Variants in TDRD3 observed in about 807,000 individuals in gnomAD.
TDRD3 encodes tudor domain containing 3.
In TDRD3, 45 loss-of-function variants were observed where a neutral mutation model predicts 86.7. The observed-to-expected ratio is 0.52, with a 90% CI of 0.41 to 0.67. TDRD3 has a LOEUF of 0.67. Among genes scored for constraint, TDRD3 ranks in the 30% least tolerant of loss-of-function variants. TDRD3 has a pLI of 0.00. For synonymous variants in TDRD3, 298 were observed against 301.7 expected, an observed-to-expected ratio of 0.99 and a Z score of 0.13; for missense variants, 814 against 889.0, an observed-to-expected ratio of 0.92 and a Z score of 1.07.
At chr13:60,517,334 G>A (rs187451973) in intron 10 of TDRD3, among the ~76,000 whole-genome samples, 70 of 152,204 alleles carry the variant, frequency 4.6e-4, no homozygotes, top group Non-Finnish European at 7.1e-4. Flanking sequence ...AAACTAGGCC[G>A]AGACAAGAGA....
chr13:60,566,353 T>A (rs1246617699), intron 12 of TDRD3, among the ~76,000 whole-genome samples: 1 of 152,090 alleles, frequency 6.6e-6, no homozygotes, highest in Non-Finnish European at 1.5e-5. Context: ...ATAATAGGAT[T>A]TGACCAAATT....
intron 10 of TDRD3, 26 bp downstream of exon 10, chr13:60,510,781 T>G: frequency 6.6e-7 from 1 of 1,510,486 alleles, no homozygotes; most frequent in Non-Finnish European, 8.8e-7. Flanking sequence ...GTTGATTCCT[T>G]TTTTTTTCTT....
At chr13:60,544,500 T>C (rs2137866282) in intron 12 of TDRD3, among the ~76,000 whole-genome samples, 1 of 150,990 alleles carries the variant, frequency 6.6e-6, no homozygotes, top group South Asian at 2.1e-4. Context: ...TCAAAACTAG[T>C]AAATTCCATT....
chr13:60,411,415 T>A (rs1292308436), intron 1 of TDRD3, among the ~76,000 whole-genome samples: 1 of 152,256 alleles, frequency 6.6e-6, no homozygotes, highest in African/African-American at 2.4e-5. Flanking sequence ...ACATTTTTAC[T>A]AGTTTCTACT....
At chr13:60,540,564 C>T (rs1392564920) in intron 12 of TDRD3, among the ~76,000 whole-genome samples, 1 of 152,078 alleles carries the variant, frequency 6.6e-6, no homozygotes, top group Non-Finnish European at 1.5e-5. Context: ...CTCTTAAATC[C>T]AAATTCAGTT....
At chr13:60,513,194 A>T (rs1355779142) in intron 10 of TDRD3, among the ~76,000 whole-genome samples, 1 of 152,216 alleles carries the variant, frequency 6.6e-6, no homozygotes, top group Non-Finnish European at 1.5e-5. Flanking sequence ...CCCCAGCTCT[A>T]CATTGGTCCC....
intron 10 of TDRD3, among the ~76,000 whole-genome samples, chr13:60,527,093 C>T (rs1289367937): frequency 6.6e-6 from 1 of 152,172 alleles, no homozygotes; most frequent in African/African-American, 2.4e-5. Context: ...CTTCAGCCTT[C>T]CAAAGTGCTT....
chr13:60,505,807 TA>T (rs1249779895), intron 8 of TDRD3, among the ~76,000 whole-genome samples: 1 of 151,752 alleles, frequency 6.6e-6, no homozygotes, highest in African/African-American at 2.4e-5. Context: ...CTTAATGAAA[TA>T]AAGTGGAAAG....
intron 12 of TDRD3, chr13:60,538,060 TTAAAA>T (rs1167612407): frequency 6.6e-6 from 1 of 152,016 alleles, no homozygotes; most frequent in Admixed American, 6.6e-5. Context: ...GTATGGAAAA[TTAAAA>T]TAAAAATCAA....
chr13:60,481,522 A>G (rs1428038730), intron 5 of TDRD3, among the ~76,000 whole-genome samples: 4 of 151,094 alleles, frequency 2.6e-5, no homozygotes, highest in Non-Finnish European at 5.9e-5. Flanking sequence ...CTTCTGTCTT[A>G]TTTTATTTAC....
intron 1 of TDRD3, among the ~76,000 whole-genome samples, chr13:60,404,411 C>T (rs9528130): frequency 0.19 from 27,968 of 144,450 alleles, 3,317 homozygotes; most frequent in South Asian, 0.29. Flanking sequence ...CCCGGGTTCA[C>T]GCCATTCTCC....
intron 1 of TDRD3, among the ~76,000 whole-genome samples, chr13:60,411,459 A>C (rs1344519245): frequency 6.6e-6 from 1 of 152,224 alleles, no homozygotes; most frequent in Non-Finnish European, 1.5e-5. Flanking sequence ...ATATTATTTT[A>C]AGCAAAATGC....
chr13:60,460,280 C>T, intron 3 of TDRD3, 100 bp from the exon 4 acceptor site: 1 of 976,330 alleles, frequency 1.0e-6, no homozygotes. Context: ...AATCATAAAG[C>T]ATGACTATTA....
chr13:60,448,527 C>G (rs1955460319), intron 3 of TDRD3, among the ~76,000 whole-genome samples: 1 of 152,056 alleles, frequency 6.6e-6, no homozygotes, highest in Non-Finnish European at 1.5e-5. Flanking sequence ...GCAAAAGTTT[C>G]AGAAAAATTT....
At chr13:60,421,249 A>G (rs990967790) in intron 1 of TDRD3, among the ~76,000 whole-genome samples, 40 of 152,212 alleles carry the variant, frequency 2.6e-4, no homozygotes, top group Admixed American at 2.5e-3. Flanking sequence ...AGGCCCCACA[A>G]TCTTGGCAGA....
chr13:60,479,091 G>A (rs1164864566), intron 5 of TDRD3, among the ~76,000 whole-genome samples: 1 of 152,116 alleles, frequency 6.6e-6, no homozygotes, highest in African/African-American at 2.4e-5. Context: ...AGAGGCATGA[G>A]CCACCACACC....
At chr13:60,450,975 C>T (rs4886231) in intron 3 of TDRD3, among the ~76,000 whole-genome samples, 2,391 of 151,998 alleles carry the variant, frequency 0.016, 156 homozygotes, top group Admixed American at 0.11. Flanking sequence ...ACACAGATCA[C>T]GCATACACAC....
At position 60,528,451 on chromosome 13, in the gene TDRD3, A is replaced by ATCT. The variant is rs1447325517; in HGVS notation, c.1227_1229dup (p.Leu410dup). 6.2e-7 allele frequency: 1 copy of ATCT among 1,613,228 alleles called. No individual in the cohort carries two copies. The highest frequency in any genetic ancestry group is 1.7e-5 in the Admixed American group (1 of 59,918). ...CAAAATGGAGTAAAAGATAATAATCATCTGAGACATCCTCCTCGAAATGAT... is the reference window on the plus strand; with the variant it reads ...CAAAATGGAGTAAAAGATAATAATCATCTTCTGAGACATCCTCCTCGAAATGAT... On this transcript the variant is annotated inframe_insertion, in exon 11 of 14. Transcript: ENST00000377881.
intron 5 of TDRD3, among the ~76,000 whole-genome samples, chr13:60,472,676 A>G (rs1484171836): frequency 6.6e-6 from 1 of 152,212 alleles, no homozygotes; most frequent in Non-Finnish European, 1.5e-5. Flanking sequence ...TATAAACCCA[A>G]AAGAATGGAA....
Sources: gnomAD v4.1 joint callset for allele counts (sites outside exome capture counted in the v4.1 genomes callset) on GRCh38, gnomAD v4.1.1 for gene constraint, MANE v1.5 for transcripts, NCBI Gene and HGNC (gene_info 2026-07-23, HGNC 2026-07-21) for gene names.